The following KDM2B variants were observed in gnomAD, a reference collection of about 807,000 sequenced individuals.
KDM2B encodes the protein lysine demethylase 2B.
In KDM2B, 26 loss-of-function variants were observed where a neutral mutation model predicts 150.0. The observed-to-expected ratio is 0.17, with a 90% CI of 0.13 to 0.24. The LOEUF (loss-of-function observed/expected upper bound fraction) is 0.24, where lower values mean the gene tolerates loss of function less well. Among genes scored for constraint, KDM2B ranks in the 10% least tolerant of loss-of-function variants. The pLI is 1.00. For synonymous variants in KDM2B, 734 were observed against 729.5 expected, an observed-to-expected ratio of 1.01 and a Z score of -0.10; for missense variants, 1,265 against 1,816.9, an observed-to-expected ratio of 0.70 and a Z score of 5.52.
intron 4 of KDM2B, among the ~76,000 whole-genome samples, chr12:121,553,202 G>A (rs1889645600): frequency 6.6e-6 from 1 of 151,544 alleles, no homozygotes; most frequent in Non-Finnish European, 1.5e-5. Context: ...CTGCACTACA[G>A]CCTGGGCGAC....
chr12:121,528,669 G>T (rs1555307302), intron 8 of KDM2B, among the ~76,000 whole-genome samples: 2 of 152,174 alleles, frequency 1.3e-5, no homozygotes, highest in African/African-American at 2.4e-5. Flanking sequence ...AAGCCAAGCA[G>T]ATCACCTGAG....
chr12:121,535,105 C>T (rs768926257), intron 6 of KDM2B, among the ~76,000 whole-genome samples: 3 of 151,910 alleles, frequency 2.0e-5, no homozygotes, highest in Admixed American at 6.6e-5. Context: ...GGTCCAGCCC[C>T]GAGCCAGCTT....
chr12:121,474,474 C>A (rs1254614212), intron 12 of KDM2B, among the ~76,000 whole-genome samples: 1 of 152,088 alleles, frequency 6.6e-6, no homozygotes, highest in African/African-American at 2.4e-5. Context: ...AGAGATCTCG[C>A]CACTGCACTA....
rs545547742 is a variant in KDM2B, at chr12:121,571,795, C to T, written c.397+2752G>A. ...CCTCCCGAGTAGCTGGGATTACAGC[C>T]GCCCGCCACTACACCCAGCTAATTT... On this transcript the variant is annotated intron_variant, in intron 4 of 22. Coordinates refer to ENST00000377071, the MANE Select transcript of KDM2B (RefSeq NM_032590.5). Among the ~76,000 whole-genome samples, 15 of 151,222 alleles carry T rather than the reference C, an allele frequency of 9.9e-5. 1 individual carries two copies. The South Asian group carries it at 2.7e-3, about 27-fold the overall frequency.
chr12:121,565,321 T>TC (rs1344921258), intron 4 of KDM2B, among the ~76,000 whole-genome samples: 1 of 151,978 alleles, frequency 6.6e-6, no homozygotes, highest in East Asian at 1.9e-4. Flanking sequence ...AAAGGACTTT[T>TC]TTTTTTTTTT....
rs1555311293 is a variant in KDM2B at position 121,548,995 on chromosome 12, A to G, written c.577-12T>C. The G allele has an allele frequency of 1.2e-6, 2 of 1,605,362 alleles. No individual in the cohort carries two copies. The highest frequency in any genetic ancestry group is 1.1e-5 in the South Asian group (1 of 90,892). On this transcript the variant is annotated splice_polypyrimidine_tract_variant and intron_variant, in intron 5 of 22. Transcript: ENST00000377071. ...TCCACCAGGTCTACCTGAAAGCCAG[A>G]CCAGTGTGAGCACTGCATTTCTCCA...
intron 4 of KDM2B, among the ~76,000 whole-genome samples, chr12:121,556,069 A>G (rs782617578): frequency 6.6e-6 from 1 of 151,104 alleles, no homozygotes; most frequent in Non-Finnish European, 1.5e-5. Flanking sequence ...TGGGACTACA[A>G]GAACGCACCA....
chr12:121,443,130 A>C, intron 17 of KDM2B, 100 bp from the exon 18 acceptor site: 1 of 1,159,060 alleles, frequency 8.6e-7, no homozygotes, highest in Non-Finnish European at 1.3e-6. Context: ...TCTCCAGAGG[A>C]GGGGCTGGAG....
Position 121,442,416 on chromosome 12 carries a change from G to A in KDM2B, c.3025C>T (p.Arg1009Trp). Residue 1009 changes from arginine to tryptophan, a missense_variant, in exon 19 of 23, where the codon CGG becomes TGG. Physicochemically the swap from Arg to Trp is moderately radical, Grantham distance 101 (BLOSUM62 -3). Around this residue, in one of 11 missense-constraint regions of KDM2B, gnomAD observed 418 missense variants for 402.4 expected, o/e 1.04. Transcript: ENST00000377071. This position sits in a 1 kb window ranked among gnomAD's most constrained non-coding sequence, Gnocchi z 7.7. Reference sequence around the variant, plus strand: ...CGCAGGCTGGGCCCCAGCTGGTGCCGCAGCTCCCGGGGGGTGCCGTTGAGC... The same window carrying A: ...CGCAGGCTGGGCCCCAGCTGGTGCCACAGCTCCCGGGGGGTGCCGTTGAGC... ...KGLNGTPREL[R>W]HQLGPSLRSP... is the part of the protein sequence containing the mutation. 2 of 1,597,112 alleles carry A rather than the reference G, an allele frequency of 1.3e-6. No homozygotes were observed. Among genetic ancestry groups the A allele is most frequent in the South Asian group, 1.1e-5 (1 of 90,440 alleles).
chr12:121,579,506 G>A, intron 1 of KDM2B: 1 of 473,776 alleles, frequency 2.1e-6, no homozygotes, highest in Non-Finnish European at 3.8e-6. Flanking sequence ...CCCGCCGCCC[G>A]CCCGCCAGTG....
chr12:121,489,787 C>G (rs1274015803), intron 12 of KDM2B, among the ~76,000 whole-genome samples: 1 of 152,184 alleles, frequency 6.6e-6, no homozygotes, highest in Non-Finnish European at 1.5e-5. Context: ...CCCAAGCCTA[C>G]TCAATGTGCT....
At chr12:121,427,672 A>T (rs1872574070), downstream of KDM2B, among the ~76,000 whole-genome samples, 1 of 152,214 alleles carries the variant, frequency 6.6e-6, no homozygotes. Context: ...CTGAAACTAC[A>T]GATCTGCTGT....
At chr12:121,534,800 G>A (rs983638065) in intron 6 of KDM2B, 10 of 537,742 alleles carry the variant, frequency 1.9e-5, no homozygotes, top group South Asian at 2.4e-5. Flanking sequence ...AGCACTGGTC[G>A]CCTACCTACC....
intron 4 of KDM2B, among the ~76,000 whole-genome samples, chr12:121,557,486 C>T (rs968286885): frequency 3.9e-5 from 6 of 152,012 alleles, no homozygotes; most frequent in Non-Finnish European, 8.8e-5. Context: ...GTGATCCACC[C>T]ACCTCAGCCT....
rs1555288565 is a variant in KDM2B at position 121,442,323 on chromosome 12, G to A, written c.3118C>T (p.Arg1040Cys). 1.9e-6 allele frequency: 3 copies of A among 1,605,460 alleles called. No individual in the cohort carries two copies. Among genetic ancestry groups the A allele is most frequent in the Non-Finnish European group, 2.6e-6 (3 of 1,175,334 alleles). The change falls in exon 19 of 23, where the codon CGC becomes TGC. Residue 1040 changes from arginine to cysteine, a missense_variant. Transcript: ENST00000377071. This position sits in a 1 kb window ranked among gnomAD's most constrained non-coding sequence, Gnocchi z 7.7. ...VSPPKCIQME[R>C]HVIRPPPISP... ...ATGGGGGGTGGCCGGATCACATGGC[G>A]CTCCATCTGGATACACTTGGGCGGG...
rs191564334 is a variant in KDM2B at position 121,452,166 on chromosome 12, G to C, written c.1959+954C>G. 4.0e-3 allele frequency among the ~76,000 whole-genome samples: 605 copies of C among 152,306 alleles called. 15 individuals carry two copies. Among genetic ancestry groups the C allele is most frequent in the Admixed American group, 0.034 (520 of 15,286 alleles). On this transcript the variant is annotated intron_variant, in intron 13 of 22. Coordinates refer to ENST00000377071, the MANE Select transcript of KDM2B (RefSeq NM_032590.5). This position sits in a 1 kb window ranked among gnomAD's most constrained non-coding sequence, Gnocchi z 4.4. ...GGCTGAGGGAGGGGAAAGGGGAGTAGAGCTTCAGTGGGTATGGAGTTTCAG... is the reference window on the plus strand; with the variant it reads ...GGCTGAGGGAGGGGAAAGGGGAGTACAGCTTCAGTGGGTATGGAGTTTCAG...
At chr12:121,502,760 CAAAAAAAAAAAAAAA>C (rs3080029) in intron 11 of KDM2B, among the ~76,000 whole-genome samples, 2,692 of 45,204 alleles carry the variant, frequency 0.06, 117 homozygotes, top group African/African-American at 0.16. Context: ...CCATCTCTAC[CAAAAAAAAAAAAAAA>C]AAAAAAAAAA....
At chr12:121,490,760 A>G (rs1883257951) in intron 12 of KDM2B, among the ~76,000 whole-genome samples, 1 of 152,204 alleles carries the variant, frequency 6.6e-6, no homozygotes, top group South Asian at 2.1e-4. Context: ...GCTCAGTAGC[A>G]TCTTGGATAT....
At chr12:121,557,563 G>T (rs1285673865) in intron 4 of KDM2B, among the ~76,000 whole-genome samples, 1 of 152,134 alleles carries the variant, frequency 6.6e-6, no homozygotes, top group Non-Finnish European at 1.5e-5. Context: ...TGTGGACACA[G>T]ACACACAGAA....
Sources: allele counts gnomAD v4.1 joint callset (sites outside exome capture counted in the v4.1 genomes callset), GRCh38; gene constraint gnomAD v4.1.1; regional missense constraint gnomAD v4.1.1; non-coding constraint Gnocchi (gnomAD v3.1); transcripts MANE v1.5; gene names NCBI Gene and HGNC (gene_info 2026-07-23, HGNC 2026-07-21).